PGCKA1: variants seen among roughly 807,000 people sequenced by gnomAD.
PGCKA1 encodes PDCD10 and GCKIII kinases associated 1, also known as PDCD10 and GCKIII kinases-associated protein 1.
At chr4:37,497,595 G>T in the PGCKA1 span, among the ~76,000 whole-genome samples, 2 of 152,012 alleles carry the variant, frequency 1.3e-5, no homozygotes, top group African/African-American at 4.8e-5. Flanking sequence ...AGGTGGTATC[G>T]CATTGTGGCT....
At chr4:37,559,549 C>G in the PGCKA1 span, among the ~76,000 whole-genome samples, 1 of 149,432 alleles carries the variant, frequency 6.7e-6, no homozygotes. Flanking sequence ...ACATATGTAA[C>G]TAACCTGCAC....
chr4:37,481,232 C>T, the PGCKA1 span, among the ~76,000 whole-genome samples: 2 of 151,924 alleles, frequency 1.3e-5, no homozygotes, highest in African/African-American at 2.4e-5. Flanking sequence ...CGGCTAGGGC[C>T]GGGTGGATCA....
At chr4:37,567,577 G>A in the PGCKA1 span, among the ~76,000 whole-genome samples, 12 of 152,292 alleles carry the variant, frequency 7.9e-5, no homozygotes, top group African/African-American at 2.9e-4. Context: ...TAACCACTCT[G>A]CTGAACTGCT....
the PGCKA1 span, among the ~76,000 whole-genome samples, chr4:37,551,816 G>A: frequency 1.3e-5 from 2 of 152,280 alleles, no homozygotes; most frequent in East Asian, 3.9e-4. Context: ...TTTACTACCT[G>A]TACTTCTTCA....
chr4:37,568,560 C>T, the PGCKA1 span, among the ~76,000 whole-genome samples: 1 of 152,168 alleles, frequency 6.6e-6, no homozygotes, highest in Non-Finnish European at 1.5e-5. Context: ...AAAAGAGCTG[C>T]AGAGTTCAGG....
At chr4:37,519,313 T>C in the PGCKA1 span, among the ~76,000 whole-genome samples, 4 of 152,108 alleles carry the variant, frequency 2.6e-5, no homozygotes, top group Non-Finnish European at 4.4e-5. Flanking sequence ...AAGAATGTCA[T>C]TGGTATTTCG....
chr4:37,456,439 G>A, the PGCKA1 span, among the ~76,000 whole-genome samples: 1 of 152,164 alleles, frequency 6.6e-6, no homozygotes, highest in Non-Finnish European at 1.5e-5. Context: ...CCAAGCCAAT[G>A]AATACGTGTC....
At chr4:37,517,318 TAG>T in the PGCKA1 span, among the ~76,000 whole-genome samples, 542 of 147,538 alleles carry the variant, frequency 3.7e-3, 4 homozygotes, top group African/African-American at 0.013. Flanking sequence ...AATATATATA[TAG>T]AGAGAGAGAG....
the PGCKA1 span, among the ~76,000 whole-genome samples, chr4:37,568,864 G>A: frequency 6.6e-6 from 1 of 152,162 alleles, no homozygotes; most frequent in African/African-American, 2.4e-5. Flanking sequence ...TCGTTTTGCA[G>A]ATAAAGAAAC....
the PGCKA1 span, among the ~76,000 whole-genome samples, chr4:37,494,426 C>G: frequency 6.6e-6 from 1 of 152,162 alleles, no homozygotes; most frequent in Non-Finnish European, 1.5e-5. Flanking sequence ...TGATGCCCTC[C>G]AGCTCCATGA....
At chr4:37,580,443 C>T in the PGCKA1 span, among the ~76,000 whole-genome samples, 192 of 151,292 alleles carry the variant, frequency 1.3e-3, 1 homozygote, top group African/African-American at 4.4e-3. Flanking sequence ...TTCAGGTATT[C>T]GAAGGGACTT....
At chr4:37,484,484 G>A in the PGCKA1 span, among the ~76,000 whole-genome samples, 1 of 152,136 alleles carries the variant, frequency 6.6e-6, no homozygotes, top group Non-Finnish European at 1.5e-5. Context: ...TGAGATTTGG[G>A]TGAGGACACA....
chr4:37,463,519 G>C, the PGCKA1 span, among the ~76,000 whole-genome samples: 1 of 152,186 alleles, frequency 6.6e-6, no homozygotes, highest in South Asian at 2.1e-4. Flanking sequence ...ATCCACTGCA[G>C]CCCAGGCAGA....
At chr4:37,498,195 C>T in the PGCKA1 span, among the ~76,000 whole-genome samples, 1 of 152,018 alleles carries the variant, frequency 6.6e-6, no homozygotes, top group African/African-American at 2.4e-5. Context: ...TTTTTGTTTG[C>T]CTTGTCAAAG....
At chr4:37,497,439 G>A in the PGCKA1 span, among the ~76,000 whole-genome samples, 1 of 152,044 alleles carries the variant, frequency 6.6e-6, no homozygotes, top group Admixed American at 6.5e-5. Context: ...CTTTTCTACT[G>A]GGTAGATACC....
chr4:37,454,934 G>T, the PGCKA1 span, among the ~76,000 whole-genome samples: 1 of 152,196 alleles, frequency 6.6e-6, no homozygotes, highest in Non-Finnish European at 1.5e-5. Flanking sequence ...TGAATTTAGA[G>T]AAAGTTTGTG....
the PGCKA1 span, among the ~76,000 whole-genome samples, chr4:37,498,697 T>C: frequency 6.6e-6 from 1 of 152,232 alleles, no homozygotes; most frequent in Non-Finnish European, 1.5e-5. Flanking sequence ...GACAGTTTGC[T>C]GAAGTTGTTT....
chr4:37,587,778 G>A, the PGCKA1 span, among the ~76,000 whole-genome samples: 3 of 152,154 alleles, frequency 2.0e-5, no homozygotes, highest in African/African-American at 7.2e-5. Flanking sequence ...AGACCAGCAT[G>A]GCCAACGTGG....
the PGCKA1 span, among the ~76,000 whole-genome samples, chr4:37,536,547 G>T: frequency 6.6e-6 from 1 of 152,010 alleles, no homozygotes; most frequent in East Asian, 1.9e-4. Context: ...TCTCTTGGCG[G>T]GTCTGAAAAG....
Sources: gnomAD v4.1 joint callset for allele counts (sites outside exome capture counted in the v4.1 genomes callset) on GRCh38, gnomAD v4.1.1 for gene constraint, MANE v1.5 for transcripts, NCBI Gene and HGNC (gene_info 2026-07-23, HGNC 2026-07-21) for gene names.